The following STARD13 variants were observed in gnomAD, a reference collection of about 807,000 sequenced individuals.
The protein encoded by STARD13 is stAR-related lipid transfer protein 13.
Under a neutral mutation model 106.4 loss-of-function variants are expected in STARD13, and 62 were observed. The observed-to-expected ratio is 0.58, with a 90% CI of 0.48 to 0.72. The LOEUF is 0.72. Ranked by LOEUF, STARD13 falls within the 30% of genes least tolerant of loss-of-function variation. The pLI is 0.00. For synonymous variants in STARD13, 565 were observed against 553.0 expected (o/e 1.02, Z -0.31); for missense variants, 1,387 against 1,424.0 (o/e 0.97, Z 0.42).
At chr13:33,246,124 G>A (rs1889812575) in intron 1 of STARD13, among the ~76,000 whole-genome samples, 1 of 152,206 alleles carries the variant, frequency 6.6e-6, no homozygotes, top group African/African-American at 2.4e-5. Flanking sequence ...TAGTGTGTGG[G>A]TAGAAGGGCA....
intron 1 of STARD13, among the ~76,000 whole-genome samples, chr13:33,302,279 C>T (rs1892750602): frequency 6.6e-6 from 1 of 152,164 alleles, no homozygotes. Flanking sequence ...AGAATTTGGG[C>T]TCATTCACCA....
At chr13:33,371,537 T>C in the STARD13 span, among the ~76,000 whole-genome samples, 3 of 152,244 alleles carry the variant, frequency 2.0e-5, no homozygotes, top group African/African-American at 7.2e-5. Flanking sequence ...TTGATTAATA[T>C]GCTGCTTCTG....
At chr13:33,507,120 C>A in the STARD13 span, among the ~76,000 whole-genome samples, 65 of 152,182 alleles carry the variant, frequency 4.3e-4, no homozygotes, top group East Asian at 7.0e-3. Flanking sequence ...TAAAATACTT[C>A]TCCTTTTTCC....
At chr13:33,650,001 A>C in the STARD13 span, among the ~76,000 whole-genome samples, 1 of 151,832 alleles carries the variant, frequency 6.6e-6, no homozygotes, top group Non-Finnish European at 1.5e-5. Context: ...TTCCTGGCTC[A>C]CAGGAATTAC....
the STARD13 span, among the ~76,000 whole-genome samples, chr13:33,676,473 A>G: frequency 4.6e-5 from 7 of 152,314 alleles, no homozygotes; most frequent in East Asian, 1.3e-3. Flanking sequence ...ATTATGGAAG[A>G]CATTTTATTT....
chr13:33,625,206 T>C, the STARD13 span, among the ~76,000 whole-genome samples: 4 of 152,202 alleles, frequency 2.6e-5, no homozygotes, highest in African/African-American at 9.6e-5. Context: ...AGAACTCATC[T>C]TCTCAGAGGC....
At chr13:33,474,351 G>A in the STARD13 span, among the ~76,000 whole-genome samples, 42 of 152,224 alleles carry the variant, frequency 2.8e-4, no homozygotes, top group Admixed American at 1.3e-4. Flanking sequence ...ATTGAATTAC[G>A]TATTGGAGCA....
At chr13:33,294,987 A>G (rs1441541293) in intron 1 of STARD13, among the ~76,000 whole-genome samples, 1 of 152,100 alleles carries the variant, frequency 6.6e-6, no homozygotes, top group African/African-American at 2.4e-5. Flanking sequence ...GTTGCCCTGG[A>G]TTCTGTCTCC....
intron 1 of STARD13, chr13:33,336,322 A>G (rs781229802): frequency 6.6e-6 from 1 of 152,304 alleles, no homozygotes; most frequent in South Asian, 2.1e-4. Context: ...ATACTTCCCT[A>G]TGTTCAGATT....
intron 1 of STARD13, among the ~76,000 whole-genome samples, chr13:33,296,342 TC>T (rs895442878): frequency 2.0e-5 from 3 of 152,168 alleles, no homozygotes; most frequent in Non-Finnish European, 4.4e-5. Context: ...TCTCAAATCA[TC>T]TTGCATACCT....
the STARD13 span, among the ~76,000 whole-genome samples, chr13:33,619,384 A>G: frequency 2.6e-5 from 4 of 152,240 alleles, no homozygotes; most frequent in Admixed American, 2.0e-4. Flanking sequence ...GAATTTTTCC[A>G]TCATTGAACA....
chr13:33,455,771 A>AAAC, the STARD13 span, among the ~76,000 whole-genome samples: 4 of 151,920 alleles, frequency 2.6e-5, no homozygotes, highest in Admixed American at 6.6e-5. Flanking sequence ...TCTACTAAAA[A>AAAC]AACAACAACA....
At chr13:33,668,144 C>T in the STARD13 span, among the ~76,000 whole-genome samples, 1 of 152,230 alleles carries the variant, frequency 6.6e-6, no homozygotes, top group African/African-American at 2.4e-5. Flanking sequence ...ATTCGGGGAT[C>T]ATTCATTGCT....
the STARD13 span, among the ~76,000 whole-genome samples, chr13:33,502,688 T>C: frequency 6.6e-6 from 1 of 152,246 alleles, no homozygotes; most frequent in Non-Finnish European, 1.5e-5. Context: ...GGATTACGTT[T>C]ATTGATTTGC....
the STARD13 span, among the ~76,000 whole-genome samples, chr13:33,487,883 A>G: frequency 9.7e-4 from 148 of 152,286 alleles, no homozygotes; most frequent in Middle Eastern, 3.4e-3. Context: ...CCATCACTCA[A>G]TGAAAAATAT....
At chr13:33,266,760 G>A (rs746209209) in intron 1 of STARD13, among the ~76,000 whole-genome samples, 5 of 152,212 alleles carry the variant, frequency 3.3e-5, no homozygotes, top group East Asian at 1.9e-4. Flanking sequence ...TAAGCCATAC[G>A]CTCCCTTGAA....
the STARD13 span, among the ~76,000 whole-genome samples, chr13:33,659,512 C>T: frequency 6.6e-6 from 1 of 152,210 alleles, no homozygotes; most frequent in Non-Finnish European, 1.5e-5. Flanking sequence ...CTGCTCCCAG[C>T]CAACCTGTGG....
rs945701464 is a variant in STARD13, at chr13:33,129,204, C to T, written c.1473G>A (p.Gln491=). ...DLFPHLDDIL[Q]HVNGLQEVVD... is the part of the protein sequence containing the mutation. Reference sequence around the variant, plus strand: ...CTACCTCTTGGAGCCCATTGACATGCTGCAGAATGTCATCCAAGTGAGGGA... The same window carrying T: ...CTACCTCTTGGAGCCCATTGACATGTTGCAGAATGTCATCCAAGTGAGGGA... Residue 491 remains glutamine, a synonymous_variant, in exon 5 of 14, where the codon CAG becomes CAA. Coordinates refer to ENST00000336934, the MANE Select transcript of STARD13 (RefSeq NM_178006.4). 1 of 1,614,206 alleles carries T rather than the reference C, an allele frequency of 6.2e-7. No individual in the cohort carries two copies.
the STARD13 span, among the ~76,000 whole-genome samples, chr13:33,670,396 G>A: frequency 1.1e-4 from 17 of 152,106 alleles, no homozygotes; most frequent in South Asian, 1.7e-3. Flanking sequence ...CAAAGATCGC[G>A]TTGCATTTTT....
Sources: allele counts gnomAD v4.1 joint callset (sites outside exome capture counted in the v4.1 genomes callset), GRCh38; gene constraint gnomAD v4.1.1; transcripts MANE v1.5; gene names NCBI Gene and HGNC (gene_info 2026-07-23, HGNC 2026-07-21).